PLCH1: variants seen among roughly 807,000 people sequenced by gnomAD.
The protein encoded by PLCH1 is phospholipase C eta 1, also known as 1-phosphatidylinositol 4,5-bisphosphate phosphodiesterase eta-1.
In PLCH1, 60 loss-of-function variants were observed where a neutral mutation model predicts 126.7. The ratio of observed to expected loss-of-function variants is 0.47; its 90% CI spans 0.38 to 0.59. PLCH1 has a LOEUF of 0.59. Ranked by LOEUF, PLCH1 falls within the 20% of genes least tolerant of loss-of-function variation. The pLI, the probability that PLCH1 is intolerant of heterozygous loss-of-function variation, is 0.00. For synonymous variants in PLCH1, 719 were observed against 734.9 expected (o/e 0.98, Z 0.35); for missense variants, 1,723 against 2,040.0 (o/e 0.84, Z 2.99).
rs1169766145 is a variant in PLCH1 at position 155,583,665 on chromosome 3, A to T, written c.601-23T>A. The stretch of plus-strand genomic sequence containing the variant: ...TTCCTGAAAAGGGCATAGAGAAAAT[A>T]AAGTAATATGAAAGTTAGAAATAGG... On this transcript the variant is annotated intron_variant, in intron 5 of 22. Coordinates refer to ENST00000460012, the MANE Select transcript of PLCH1 (RefSeq NM_014996.4). 2.6e-6 allele frequency: 4 copies of T among 1,522,550 alleles called. No homozygotes were observed. In the East Asian group the frequency reaches 9.5e-5, roughly 36 times the overall value. The allele number at this position is 1,522,550 out of a possible 1,614,324, so 94.3% of individuals were successfully genotyped here.
downstream of PLCH1, among the ~76,000 whole-genome samples, chr3:155,475,511 A>C (rs1399220097): frequency 6.6e-6 from 1 of 152,140 alleles, no homozygotes; most frequent in Non-Finnish European, 1.5e-5. Context: ...AAAATTACAA[A>C]GGATCAATAA....
chr3:155,639,008 T>C (rs1392341745), intron 2 of PLCH1, among the ~76,000 whole-genome samples: 3 of 152,204 alleles, frequency 2.0e-5, no homozygotes, highest in Non-Finnish European at 4.4e-5. Flanking sequence ...TTATACTATA[T>C]ATAATTATAT....
chr3:155,690,644 G>T (rs1745309614), intron 2 of PLCH1, among the ~76,000 whole-genome samples: 2 of 152,082 alleles, frequency 1.3e-5, no homozygotes, highest in African/African-American at 4.8e-5. Context: ...TACTGCTGGG[G>T]GTCTTGGTCA....
At chr3:155,662,633 A>G (rs1341013334) in intron 2 of PLCH1, among the ~76,000 whole-genome samples, 1 of 151,898 alleles carries the variant, frequency 6.6e-6, no homozygotes, top group Admixed American at 6.6e-5. Flanking sequence ...TTTTTCTTAG[A>G]TTATTATTGC....
chr3:155,722,610 T>A (rs1026187794), intron 1 of PLCH1, among the ~76,000 whole-genome samples: 1 of 152,236 alleles, frequency 6.6e-6, no homozygotes, highest in Non-Finnish European at 1.5e-5. Flanking sequence ...TCTGTTTATG[T>A]GGTGTATCAT....
At chr3:155,470,342 T>C (rs182814379) in intron 21 of PLCH1, among the ~76,000 whole-genome samples, 1,813 of 151,844 alleles carry the variant, frequency 0.012, 29 homozygotes, top group African/African-American at 0.042. Flanking sequence ...GAAGATGAAA[T>C]GAATGAAATG....
At chr3:155,645,069 T>C (rs1365548570) in intron 2 of PLCH1, among the ~76,000 whole-genome samples, 1 of 152,194 alleles carries the variant, frequency 6.6e-6, no homozygotes, top group African/African-American at 2.4e-5. Flanking sequence ...AGAGAGGGAA[T>C]ATTGAGGTAT....
At chr3:155,557,285 G>A (rs1477871499) in intron 8 of PLCH1, among the ~76,000 whole-genome samples, 1 of 152,166 alleles carries the variant, frequency 6.6e-6, no homozygotes, top group Admixed American at 6.5e-5. Context: ...TTTTTACCCT[G>A]TTTTGTGGTC....
intron 16 of PLCH1, 45 bp from the exon 17 acceptor site, chr3:155,494,293 T>C (rs529966404): frequency 1.2e-6 from 2 of 1,610,600 alleles, no homozygotes; most frequent in Non-Finnish European, 1.7e-6. Flanking sequence ...GATGGTGGCA[T>C]AGTGAGAATA....
chr3:155,542,190 C>T (rs1176656738), intron 10 of PLCH1, among the ~76,000 whole-genome samples: 7 of 152,310 alleles, frequency 4.6e-5, no homozygotes, highest in South Asian at 2.1e-4. Context: ...CCCAATACTG[C>T]GCTTTTCCGA....
At chr3:155,694,489 T>C (rs58308715) in intron 2 of PLCH1, among the ~76,000 whole-genome samples, 8 of 152,222 alleles carry the variant, frequency 5.3e-5, no homozygotes, top group African/African-American at 1.9e-4. Flanking sequence ...TTGGCACAAT[T>C]TTAAAGAATG....
chr3:155,497,604 C>G (rs1439982098), intron 14 of PLCH1, among the ~76,000 whole-genome samples, 187 bp from the exon 15 acceptor site: 1 of 152,244 alleles, frequency 6.6e-6, no homozygotes, highest in African/African-American at 2.4e-5. Flanking sequence ...CAAAATCCTA[C>G]TACAGTAGTC....
At chr3:155,533,524 C>T (rs1049018090) in intron 10 of PLCH1, among the ~76,000 whole-genome samples, 14 of 152,286 alleles carry the variant, frequency 9.2e-5, no homozygotes, top group African/African-American at 3.4e-4. Flanking sequence ...CCAGCCTGGG[C>T]AACAAGAGTG....
intron 1 of PLCH1, among the ~76,000 whole-genome samples, chr3:155,734,907 C>T (rs1421602281): frequency 6.6e-6 from 1 of 152,054 alleles, no homozygotes; most frequent in Non-Finnish European, 1.5e-5. Context: ...GACGGGGTTT[C>T]ACCATATTAG....
At chr3:155,621,880 G>A (rs1264700187) in intron 2 of PLCH1, among the ~76,000 whole-genome samples, 1 of 152,160 alleles carries the variant, frequency 6.6e-6, no homozygotes, top group Non-Finnish European at 1.5e-5. Flanking sequence ...TAGCAAGACA[G>A]GCCAGCATTC....
intron 4 of PLCH1, among the ~76,000 whole-genome samples, chr3:155,586,872 C>T (rs570697697): frequency 6.6e-6 from 1 of 152,226 alleles, no homozygotes; most frequent in East Asian, 1.9e-4. Context: ...GAGTGAATTA[C>T]CCTCCTAATC....
chr3:155,573,903 T>A (rs1395841045), intron 6 of PLCH1, among the ~76,000 whole-genome samples: 1 of 152,080 alleles, frequency 6.6e-6, no homozygotes, highest in East Asian at 1.9e-4. Context: ...GTGGCATCAC[T>A]TAGTCAAATC....
chr3:155,494,142 T>G lies in PLCH1; in HGVS notation c.2181A>C (p.Lys727Asn). ...GYVLKPQQMC[K>N]GTFNPFSGDP... Reference sequence around the variant, plus strand: ...TATGACTATGAAATTAATACACACCTTTGCACATTTGCTGGGGTTTGAGGA... The same window carrying G: ...TATGACTATGAAATTAATACACACCGTTGCACATTTGCTGGGGTTTGAGGA... The change falls in exon 17 of 23, where the codon AAA becomes AAC. Residue 727 changes from lysine (K) to asparagine (N), a missense_variant and splice_region_variant. Physicochemically the swap from Lys to Asn is moderately conservative, Grantham distance 94. Around this residue, in one of 2 missense-constraint regions of PLCH1, gnomAD observed 776 missense variants for 1,062.9 expected, o/e 0.73. Coordinates refer to ENST00000460012, the MANE Select transcript of PLCH1 (RefSeq NM_014996.4). The G allele has an allele frequency of 6.2e-7, 1 of 1,611,100 alleles. No individual in the cohort carries two copies. Among genetic ancestry groups the G allele is most frequent in the Non-Finnish European group, 8.5e-7 (1 of 1,177,282 alleles).
chr3:155,592,718 G>A (rs1471120921), intron 4 of PLCH1, among the ~76,000 whole-genome samples: 1 of 152,120 alleles, frequency 6.6e-6, no homozygotes, highest in Non-Finnish European at 1.5e-5. Flanking sequence ...TCTTGTTTAT[G>A]AGAAAATTAA....
Sources: gnomAD v4.1 joint callset for allele counts (sites outside exome capture counted in the v4.1 genomes callset) on GRCh38, gnomAD v4.1.1 for gene constraint, gnomAD v4.1.1 regional missense constraint, MANE v1.5 for transcripts, NCBI Gene and HGNC (gene_info 2026-07-23, HGNC 2026-07-21) for gene names.